Variants in BBS9 observed in about 807,000 individuals in gnomAD.
The protein encoded by BBS9 is Bardet-Biedl syndrome 9.
A neutral mutation model predicts 117.7 loss-of-function variants in BBS9; 89 were observed. The ratio of observed to expected loss-of-function variants is 0.76; its 90% CI spans 0.64 to 0.90. BBS9 has a LOEUF of 0.90. BBS9 is among the 40% of genes least tolerant of loss of function. The pLI, the probability that BBS9 is intolerant of heterozygous loss-of-function variation, is 0.00. For missense variants in BBS9, 982 were observed against 1,042.2 expected, an observed-to-expected ratio of 0.94 and a Z score of 0.80; for synonymous variants, 379 against 370.9, an observed-to-expected ratio of 1.02 and a Z score of -0.25.
rs1409844670 is a variant in BBS9 at position 33,263,496 on chromosome 7, TA to T, written c.618-791del. Reference sequence around the variant, plus strand: ...ATATAGAAATTTCAACTTTATTAGATAAATTAATCATTTCTAGATTGAATAA... The same window carrying T: ...ATATAGAAATTTCAACTTTATTAGATAATTAATCATTTCTAGATTGAATAA... On this transcript the variant is annotated intron_variant, in intron 6 of 22. Transcript: ENST00000242067. Among the ~76,000 whole-genome samples the T allele has an allele frequency of 2.6e-5, 4 of 152,286 alleles. No homozygotes were observed. The East Asian group carries it at 7.7e-4, about 29-fold the overall frequency.
intron 9 of BBS9, among the ~76,000 whole-genome samples, chr7:33,299,703 A>G (rs1486663129): frequency 1.3e-5 from 2 of 151,838 alleles, no homozygotes; most frequent in Admixed American, 6.6e-5. Flanking sequence ...CTTTGCATCA[A>G]TCAGGCACTG....
At chr7:33,210,775 G>T (rs528742083) in intron 5 of BBS9, among the ~76,000 whole-genome samples, 60 of 152,104 alleles carry the variant, frequency 3.9e-4, no homozygotes, top group African/African-American at 1.4e-3. Flanking sequence ...CTCTGCCTCG[G>T]TCTCCCAAAG....
At chr7:33,585,920 A>G (rs1860809477) in intron 21 of BBS9, among the ~76,000 whole-genome samples, 1 of 152,040 alleles carries the variant, frequency 6.6e-6, no homozygotes, top group South Asian at 2.1e-4. Flanking sequence ...TACTCCTAAC[A>G]GGGTCATTGG....
chr7:33,465,712 G>A (rs1207075236), intron 19 of BBS9, among the ~76,000 whole-genome samples: 2 of 152,048 alleles, frequency 1.3e-5, no homozygotes, highest in African/African-American at 2.4e-5. Context: ...ATTTTGTAAG[G>A]TTATTGTATG....
At chr7:33,454,145 A>C (rs1448796641) in intron 19 of BBS9, among the ~76,000 whole-genome samples, 1 of 152,108 alleles carries the variant, frequency 6.6e-6, no homozygotes, top group Admixed American at 6.5e-5. Flanking sequence ...CCTGCATGGG[A>C]GGCAATATCA....
At chr7:33,321,814 T>C (rs1811770789) in intron 9 of BBS9, among the ~76,000 whole-genome samples, 3 of 152,110 alleles carry the variant, frequency 2.0e-5, no homozygotes, top group Admixed American at 2.0e-4. Flanking sequence ...GAGGAAAGGC[T>C]TTCGGTTTTT....
At chr7:33,276,384 A>G (rs1391406745) in intron 9 of BBS9, among the ~76,000 whole-genome samples, 3 of 152,216 alleles carry the variant, frequency 2.0e-5, no homozygotes, top group African/African-American at 4.8e-5. Context: ...TAAATGGACA[A>G]TTTCAAAAAT....
intron 16 of BBS9, among the ~76,000 whole-genome samples, chr7:33,359,523 A>G (rs955743438): frequency 1.3e-5 from 2 of 152,084 alleles, no homozygotes; most frequent in Non-Finnish European, 2.9e-5. Flanking sequence ...CACAATGACA[A>G]ATTTTTAAAA....
At chr7:33,308,827 T>C (rs142777708) in intron 9 of BBS9, among the ~76,000 whole-genome samples, 1 of 152,198 alleles carries the variant, frequency 6.6e-6, no homozygotes, top group Non-Finnish European at 1.5e-5. Context: ...ATGAGAAGAC[T>C]CCACCTCTCA....
intron 9 of BBS9, among the ~76,000 whole-genome samples, chr7:33,311,986 T>C (rs1809353414): frequency 6.6e-6 from 1 of 152,198 alleles, no homozygotes; most frequent in African/African-American, 2.4e-5. Context: ...AGAAAAATAG[T>C]TCATCCAAGA....
intron 5 of BBS9, among the ~76,000 whole-genome samples, chr7:33,188,712 C>T (rs941706343): frequency 1.3e-5 from 2 of 152,124 alleles, no homozygotes; most frequent in Admixed American, 1.3e-4. Flanking sequence ...TGGATTTGGT[C>T]ATTTGCAAGT....
intron 6 of BBS9, among the ~76,000 whole-genome samples, chr7:33,261,956 A>G (rs1322809502): frequency 3.3e-5 from 5 of 152,234 alleles, no homozygotes; most frequent in Non-Finnish European, 7.3e-5. Context: ...CTTGAGTGGT[A>G]AGAAAAAAGA....
chr7:33,329,223 GT>G (rs1482874798), intron 9 of BBS9, among the ~76,000 whole-genome samples: 1 of 151,988 alleles, frequency 6.6e-6, no homozygotes, highest in Non-Finnish European at 1.5e-5. Flanking sequence ...GTTTCACCAT[GT>G]TGGGCAGACT....
intron 9 of BBS9, among the ~76,000 whole-genome samples, chr7:33,291,063 A>G (rs1316480935): frequency 6.6e-6 from 1 of 152,200 alleles, no homozygotes; most frequent in East Asian, 1.9e-4. Flanking sequence ...AATATGAAAT[A>G]TCATAAAATA....
intron 4 of BBS9, among the ~76,000 whole-genome samples, chr7:33,168,081 A>G (rs1246004567): frequency 6.6e-6 from 1 of 152,208 alleles, no homozygotes; most frequent in African/African-American, 2.4e-5. Flanking sequence ...ATTAAAAATC[A>G]TTTCATGTTT....
intron 4 of BBS9, among the ~76,000 whole-genome samples, chr7:33,176,633 C>CT (rs1272270253): frequency 6.6e-6 from 1 of 152,066 alleles, no homozygotes; most frequent in East Asian, 1.9e-4. Flanking sequence ...AGTACACATA[C>CT]ATATATTTTT....
At chr7:33,187,976 T>A (rs561085976) in intron 5 of BBS9, among the ~76,000 whole-genome samples, 1 of 151,656 alleles carries the variant, frequency 6.6e-6, no homozygotes, top group African/African-American at 2.4e-5. Flanking sequence ...CTAGGAGTAA[T>A]AAAGATGAAG....
chr7:33,542,723 GTGTGTGTGTATATGTGTGTGTATA>G (rs1166340832), intron 21 of BBS9, among the ~76,000 whole-genome samples: 6 of 98,800 alleles, frequency 6.1e-5, no homozygotes, highest in African/African-American at 2.2e-4. Flanking sequence ...GTGTGTGTGT[GTGTGTGTGTATATGTGTGTGTATA>G]TATATATACA....
At chr7:33,339,489 C>T (rs78847593) in intron 10 of BBS9, among the ~76,000 whole-genome samples, 4,179 of 152,270 alleles carry the variant, frequency 0.027, 192 homozygotes, top group African/African-American at 0.092. Flanking sequence ...CATTCCAAAT[C>T]GTGCAGTTTG....
Sources: gnomAD v4.1 joint callset for allele counts (sites outside exome capture counted in the v4.1 genomes callset) on GRCh38, gnomAD v4.1.1 for gene constraint, MANE v1.5 for transcripts, NCBI Gene and HGNC (gene_info 2026-07-23, HGNC 2026-07-21) for gene names.